Variants in CCDC171 observed in about 807,000 individuals in gnomAD.
CCDC171 encodes the protein coiled-coil domain containing 171, also known as coiled-coil domain-containing protein 171.
A neutral mutation model predicts 168.2 loss-of-function variants in CCDC171; 177 were observed. The observed-to-expected ratio is 1.05, with a 90% CI of 0.93 to 1.19. The LOEUF (loss-of-function observed/expected upper bound fraction) is 1.19. Among genes scored for constraint, CCDC171 ranks in the 50% most tolerant of loss-of-function variants. The pLI, the probability that CCDC171 is intolerant of heterozygous loss-of-function variation, is 0.00. For missense variants in CCDC171, 1,991 were observed against 1,539.0 expected (o/e 1.29, Z -4.91); for synonymous variants, 687 against 540.8 (o/e 1.27, Z -3.75).
chr9:16,102,446 G>C, the CCDC171 span, among the ~76,000 whole-genome samples: 66 of 138,438 alleles, frequency 4.8e-4, no homozygotes, highest in Admixed American at 1.1e-3. Context: ...TGGATCTGAA[G>C]CTGTAGAAAC....
downstream of CCDC171, among the ~76,000 whole-genome samples, chr9:16,063,282 C>G (rs958523638): frequency 1.3e-5 from 2 of 152,014 alleles, no homozygotes; most frequent in African/African-American, 4.8e-5. Flanking sequence ...GTAAAATGCT[C>G]GAAAGAGAGG....
chr9:15,740,337 G>C (rs1305743756), intron 16 of CCDC171, among the ~76,000 whole-genome samples: 1 of 150,276 alleles, frequency 6.7e-6, no homozygotes, highest in Non-Finnish European at 1.5e-5. Context: ...TATCATTGAA[G>C]TTTTTTTGTG....
At chr9:15,895,486 C>T (rs954708330) in intron 24 of CCDC171, among the ~76,000 whole-genome samples, 1 of 152,016 alleles carries the variant, frequency 6.6e-6, no homozygotes, top group East Asian at 1.9e-4. Flanking sequence ...GTAGCTGACA[C>T]CATTGCAATA....
At chr9:15,581,481 T>A (rs182840492) in intron 4 of CCDC171, among the ~76,000 whole-genome samples, 1 of 152,316 alleles carries the variant, frequency 6.6e-6, no homozygotes, top group Non-Finnish European at 1.5e-5. Flanking sequence ...AAGACAATCC[T>A]AAGCAAAAAG....
the CCDC171 span, among the ~76,000 whole-genome samples, chr9:16,070,467 G>A: frequency 2.0e-5 from 3 of 152,216 alleles, no homozygotes; most frequent in Non-Finnish European, 4.4e-5. Flanking sequence ...AGCCAGAAGG[G>A]ACTTTTTATT....
intron 21 of CCDC171, among the ~76,000 whole-genome samples, chr9:15,785,452 A>C (rs1314532396): frequency 6.6e-6 from 1 of 152,148 alleles, no homozygotes; most frequent in African/African-American, 2.4e-5. Flanking sequence ...TTATTCTGAT[A>C]TCTTAATAAT....
intron 7 of CCDC171, among the ~76,000 whole-genome samples, chr9:15,642,349 A>G (rs1161988373): frequency 0.073 from 2,547 of 35,026 alleles, 28 homozygotes; most frequent in East Asian, 0.25. Context: ...GTGTGTATAT[A>G]TATATATATA....
chr9:15,561,530 A>G (rs1196676384), intron 1 of CCDC171, among the ~76,000 whole-genome samples: 1 of 152,156 alleles, frequency 6.6e-6, no homozygotes, highest in Non-Finnish European at 1.5e-5. Context: ...AGGGCACTGT[A>G]GTTCTTTAAC....
chr9:15,555,083 T>A (rs1046568291), intron 1 of CCDC171, among the ~76,000 whole-genome samples: 6 of 152,208 alleles, frequency 3.9e-5, no homozygotes, highest in African/African-American at 1.2e-4. Context: ...TTACCAGTAG[T>A]GGCTCCGAAA....
At chr9:16,014,364 A>C (rs532933870) in intron 3 of CCDC171, among the ~76,000 whole-genome samples, 8 of 152,310 alleles carry the variant, frequency 5.3e-5, no homozygotes, top group African/African-American at 1.9e-4. Flanking sequence ...CCATCTTGGC[A>C]GTGACTTCCT....
intron 7 of CCDC171, among the ~76,000 whole-genome samples, chr9:15,656,810 A>G (rs1348294166): frequency 6.6e-6 from 1 of 152,068 alleles, no homozygotes; most frequent in Non-Finnish European, 1.5e-5. Flanking sequence ...TGTTTCCTGT[A>G]TTGATTGTGG....
the CCDC171 span, among the ~76,000 whole-genome samples, chr9:16,078,340 A>G: frequency 1.3e-5 from 2 of 152,090 alleles, no homozygotes; most frequent in Admixed American, 6.6e-5. Flanking sequence ...GAATTGAGGT[A>G]TGGGGTCTAG....
At chr9:15,585,292 A>G (rs1455554768) in intron 4 of CCDC171, among the ~76,000 whole-genome samples, 1 of 152,242 alleles carries the variant, frequency 6.6e-6, no homozygotes, top group Non-Finnish European at 1.5e-5. Context: ...CTTGTAAAAG[A>G]ATTTCCTAGC....
intron 3 of CCDC171, among the ~76,000 whole-genome samples, chr9:16,001,926 T>C (rs3008732): frequency 0.42 from 62,142 of 149,594 alleles, 13,089 homozygotes; most frequent in South Asian, 0.52. Context: ...CAGCCTTGAC[T>C]TACTGTGCTC....
At chr9:15,985,745 G>T (rs1156953072) in intron 3 of CCDC171, among the ~76,000 whole-genome samples, 1 of 152,114 alleles carries the variant, frequency 6.6e-6, no homozygotes, top group Non-Finnish European at 1.5e-5. Context: ...ATTTATTTCT[G>T]ATCTTCCCAT....
At chr9:15,823,040 A>T (rs1420427767) in intron 21 of CCDC171, among the ~76,000 whole-genome samples, 2 of 152,170 alleles carry the variant, frequency 1.3e-5, no homozygotes, top group Non-Finnish European at 2.9e-5. Flanking sequence ...TTGTAGGGAC[A>T]TGGATGAAGC....
At chr9:15,623,501 A>G in intron 7 of CCDC171, 88 bp downstream of exon 7, 1 of 694,792 alleles carries the variant, frequency 1.4e-6, no homozygotes, top group Non-Finnish European at 2.2e-6. Context: ...ACACACACAC[A>G]CACACATAAA....
At chr9:15,982,935 T>G (rs1194694984) in intron 3 of CCDC171, among the ~76,000 whole-genome samples, 1 of 152,114 alleles carries the variant, frequency 6.6e-6, no homozygotes, top group African/African-American at 2.4e-5. Flanking sequence ...GTCAAAATAA[T>G]GGGCATCTCC....
At chr9:15,610,604 G>C (rs1262332773) in intron 6 of CCDC171, among the ~76,000 whole-genome samples, 1 of 151,394 alleles carries the variant, frequency 6.6e-6, no homozygotes, top group Non-Finnish European at 1.5e-5. Flanking sequence ...CTCCAGCCTG[G>C]GTGACAAGAG....
Sources: allele counts gnomAD v4.1 joint callset (sites outside exome capture counted in the v4.1 genomes callset), GRCh38; gene constraint gnomAD v4.1.1; transcripts MANE v1.5; gene names NCBI Gene and HGNC (gene_info 2026-07-23, HGNC 2026-07-21).